RPS6KC1: variants seen among roughly 807,000 people sequenced by gnomAD.
The protein encoded by RPS6KC1 is ribosomal protein S6 kinase C1.
A neutral mutation model predicts 103.8 loss-of-function variants in RPS6KC1; 54 were observed. The observed-to-expected ratio is 0.52, with a 90% confidence interval of 0.42 to 0.65. The LOEUF is 0.65. RPS6KC1 is among the 30% of genes least tolerant of loss of function. RPS6KC1 has a pLI of 0.00. For synonymous variants in RPS6KC1, 439 were observed against 438.7 expected, an observed-to-expected ratio of 1.00 and a Z score of -0.01; for missense variants, 1,151 against 1,253.8, an observed-to-expected ratio of 0.92 and a Z score of 1.24.
At chr1:213,296,778 T>C in the RPS6KC1 span, among the ~76,000 whole-genome samples, 1 of 152,144 alleles carries the variant, frequency 6.6e-6, no homozygotes, top group Admixed American at 6.5e-5. Flanking sequence ...GGTTGGGCAA[T>C]TCAGGCTTAT....
chr1:213,208,496 T>G (rs1420518727), intron 8 of RPS6KC1, among the ~76,000 whole-genome samples: 1 of 152,242 alleles, frequency 6.6e-6, no homozygotes, highest in African/African-American at 2.4e-5. Flanking sequence ...TTTTGAGCTG[T>G]GTCTTTGCTT....
chr1:213,586,367 G>A, the RPS6KC1 span, among the ~76,000 whole-genome samples: 2 of 152,228 alleles, frequency 1.3e-5, no homozygotes, highest in Non-Finnish European at 2.9e-5. Flanking sequence ...TATGAAAGCT[G>A]TGAAGTTTGA....
At chr1:213,782,870 G>A in the RPS6KC1 span, among the ~76,000 whole-genome samples, 13 of 152,182 alleles carry the variant, frequency 8.5e-5, no homozygotes, top group African/African-American at 2.4e-4. Flanking sequence ...AGCCCTGAAG[G>A]CCACATGGGA....
chr1:213,370,958 G>A, the RPS6KC1 span, among the ~76,000 whole-genome samples: 2 of 152,142 alleles, frequency 1.3e-5, no homozygotes. Flanking sequence ...ATTTTTAATT[G>A]TAGTAAAATA....
At chr1:213,351,902 G>A in the RPS6KC1 span, among the ~76,000 whole-genome samples, 1 of 152,096 alleles carries the variant, frequency 6.6e-6, no homozygotes, top group African/African-American at 2.4e-5. Context: ...ATACAGGTAT[G>A]CTGAGTATTC....
chr1:213,467,630 G>A, the RPS6KC1 span, among the ~76,000 whole-genome samples: 1 of 152,134 alleles, frequency 6.6e-6, no homozygotes, highest in Non-Finnish European at 1.5e-5. Context: ...AAATAGATTG[G>A]GATTGAGGAT....
At chr1:213,749,865 T>C in the RPS6KC1 span, among the ~76,000 whole-genome samples, 1 of 152,168 alleles carries the variant, frequency 6.6e-6, no homozygotes, top group African/African-American at 2.4e-5. Context: ...GGGAGATGAG[T>C]GATTGCATCT....
At chr1:213,693,519 T>C in the RPS6KC1 span, among the ~76,000 whole-genome samples, 2 of 152,110 alleles carry the variant, frequency 1.3e-5, no homozygotes, top group Non-Finnish European at 2.9e-5. Flanking sequence ...ACAGCTGTAA[T>C]AGAATCTCTC....
intron 4 of RPS6KC1, among the ~76,000 whole-genome samples, chr1:213,110,104 G>A (rs762691110): frequency 2.6e-4 from 40 of 152,000 alleles, no homozygotes; most frequent in Non-Finnish European, 4.4e-4. Context: ...TATTTTATGA[G>A]TCATAGTCCT....
the RPS6KC1 span, among the ~76,000 whole-genome samples, chr1:213,735,293 T>C: frequency 2.6e-5 from 4 of 152,206 alleles, no homozygotes; most frequent in African/African-American, 9.7e-5. Flanking sequence ...TAGCTACTGA[T>C]ACTAAATGCT....
chr1:213,530,867 G>A, the RPS6KC1 span, among the ~76,000 whole-genome samples: 50 of 152,186 alleles, frequency 3.3e-4, no homozygotes, highest in Non-Finnish European at 6.6e-4. Flanking sequence ...CCCTCACTCT[G>A]CTCAGTCCTG....
intron 6 of RPS6KC1, among the ~76,000 whole-genome samples, chr1:213,151,363 C>A (rs1317358272): frequency 7.5e-6 from 1 of 134,200 alleles, no homozygotes; most frequent in Admixed American, 7.1e-5. Context: ...CCCCACCTCC[C>A]TCCCGGACGG....
At chr1:213,211,372 G>C (rs577137101) in intron 8 of RPS6KC1, among the ~76,000 whole-genome samples, 3 of 152,148 alleles carry the variant, frequency 2.0e-5, no homozygotes, top group Non-Finnish European at 4.4e-5. Flanking sequence ...CAATCAAAAT[G>C]AGAATGACAA....
intron 8 of RPS6KC1, among the ~76,000 whole-genome samples, chr1:213,220,281 A>G (rs1407052624): frequency 6.6e-6 from 1 of 152,222 alleles, no homozygotes; most frequent in Non-Finnish European, 1.5e-5. Context: ...TGTAGAATCT[A>G]AAAATCTGAA....
chr1:213,716,925 A>C, the RPS6KC1 span, among the ~76,000 whole-genome samples: 1,227 of 152,336 alleles, frequency 8.1e-3, 17 homozygotes, highest in African/African-American at 0.028. Flanking sequence ...TGCAAACTAG[A>C]AAGATTTATT....
intron 4 of RPS6KC1, among the ~76,000 whole-genome samples, chr1:213,113,961 A>G (rs1188979403): frequency 6.6e-6 from 1 of 152,138 alleles, no homozygotes; most frequent in African/African-American, 2.4e-5. Flanking sequence ...TGGTTACTGT[A>G]GCCTTGTAGT....
At chr1:213,589,941 GTGTGTGTGT>G in the RPS6KC1 span, among the ~76,000 whole-genome samples, 34 of 75,408 alleles carry the variant, frequency 4.5e-4, no homozygotes, top group African/African-American at 1.4e-3. Flanking sequence ...AGGTAGTGGT[GTGTGTGTGT>G]GTGTGTGTGT....
At position 213,205,198 on chromosome 1, in the gene RPS6KC1, A is replaced by T. The variant is rs76328873; in HGVS notation, c.1045-25299A>T. On this transcript the variant is annotated intron_variant, in intron 8 of 14. Coordinates refer to ENST00000366960, the MANE Select transcript of RPS6KC1 (RefSeq NM_012424.6). ...TCACCAAAAGAAAGTTGCTATCACA[A>T]TGTACTTTCTACTTTTTAATCTACT... The T allele has an allele frequency of 4.1e-6, 4 of 971,614 alleles. No individual in the cohort carries two copies. In the African/African-American group the frequency reaches 7.0e-5, roughly 17 times the overall value. The allele number at this position is 971,614 out of a possible 1,614,324, so 60.2% of individuals were successfully genotyped here. A position where few individuals can be genotyped will look rare whatever the true frequency, so the allele number is the denominator to read the frequency against.
the RPS6KC1 span, among the ~76,000 whole-genome samples, chr1:213,667,959 C>G: frequency 6.6e-6 from 1 of 152,226 alleles, no homozygotes; most frequent in African/African-American, 2.4e-5. Flanking sequence ...TCTTCAGGGT[C>G]TACTTCTAAT....
Sources: gnomAD v4.1 joint callset for allele counts (sites outside exome capture counted in the v4.1 genomes callset) on GRCh38, gnomAD v4.1.1 for gene constraint, MANE v1.5 for transcripts, NCBI Gene and HGNC (gene_info 2026-07-23, HGNC 2026-07-21) for gene names.